Variants in DST observed in about 807,000 individuals in gnomAD.
DST encodes the protein bullous pemphigoid antigen.
A neutral mutation model predicts 875.2 loss-of-function variants in DST; 253 were observed. The observed-to-expected ratio is 0.29, with a 90% confidence interval of 0.26 to 0.32. The LOEUF (loss-of-function observed/expected upper bound fraction) is 0.32. Among genes scored for constraint, DST ranks in the 10% least tolerant of loss-of-function variants. The pLI is 1.00. For missense variants in DST, 8,287 were observed against 9,111.6 expected (o/e 0.91, Z 3.68); for synonymous variants, 3,124 against 3,197.1 (o/e 0.98, Z 0.77).
chr6:56,650,011 G>A (rs2098965564), intron 12 of DST, among the ~76,000 whole-genome samples: 1 of 152,038 alleles, frequency 6.6e-6, no homozygotes, highest in Non-Finnish European at 1.5e-5. Context: ...AATCATCAGG[G>A]GTGAGCATGG....
chr6:56,587,131 C>T (rs536382649), intron 49 of DST, among the ~76,000 whole-genome samples: 53 of 152,134 alleles, frequency 3.5e-4, no homozygotes, highest in Admixed American at 9.2e-4. Flanking sequence ...GGAGGAAATT[C>T]AAACCAAAGG....
chr6:56,573,582 G>T, intron 51 of DST, 97 bp downstream of exon 51: 1 of 865,336 alleles, frequency 1.2e-6, no homozygotes, highest in Non-Finnish European at 1.8e-6. Context: ...TCTCTTTTTT[G>T]TGTCCTTAAG....
At chr6:56,763,414 G>A (rs568528546) in intron 4 of DST, among the ~76,000 whole-genome samples, 24 of 152,172 alleles carry the variant, frequency 1.6e-4, no homozygotes, top group African/African-American at 4.3e-4. Flanking sequence ...GCTCACGCCT[G>A]TAATGCCAGT....
chr6:56,656,465 A>G, intron 10 of DST, among the ~76,000 whole-genome samples: 1 of 152,202 alleles, frequency 6.6e-6, no homozygotes, highest in South Asian at 2.1e-4. Context: ...ACTAATAAAT[A>G]CTGATACCTA....
intron 2 of DST, among the ~76,000 whole-genome samples, chr6:56,941,407 TTG>T (rs1816498279): frequency 6.6e-6 from 1 of 152,230 alleles, no homozygotes; most frequent in African/African-American, 2.4e-5. Flanking sequence ...TTTAAATTAA[TTG>T]TGACTTGTAT....
At chr6:56,532,572 T>C in intron 63 of DST, 62 bp from the exon 64 acceptor site, 1 of 1,440,450 alleles carries the variant, frequency 6.9e-7, no homozygotes, top group Non-Finnish European at 9.4e-7. Context: ...TAAAGTACAA[T>C]GTATTCTAAG....
chr6:56,521,385 T>G (rs989233250), intron 69 of DST, among the ~76,000 whole-genome samples: 2 of 151,812 alleles, frequency 1.3e-5, no homozygotes, highest in Non-Finnish European at 2.9e-5. Flanking sequence ...CCCTCTTGTT[T>G]GTGTTCAGCC....
chr6:56,869,430 C>T (rs1775890069), intron 3 of DST, among the ~76,000 whole-genome samples: 1 of 152,038 alleles, frequency 6.6e-6, no homozygotes, highest in African/African-American at 2.4e-5. Flanking sequence ...GGACGACCTG[C>T]TCAGGGGACA....
chr6:56,619,018 A>G, intron 36 of DST: 1 of 1,614,180 alleles, frequency 6.2e-7, no homozygotes, highest in Non-Finnish European at 8.5e-7. Flanking sequence ...TCTGGATGAT[A>G]ATGTTCTGTT....
At chr6:56,587,208 G>T (rs2098171746) in intron 49 of DST, among the ~76,000 whole-genome samples, 1 of 152,100 alleles carries the variant, frequency 6.6e-6, no homozygotes, top group Non-Finnish European at 1.5e-5. Flanking sequence ...ATACAGAGAA[G>T]TGCTTAAAGG....
intron 9 of DST, among the ~76,000 whole-genome samples, chr6:56,675,562 C>T (rs1385404183): frequency 6.6e-6 from 1 of 152,030 alleles, no homozygotes; most frequent in Non-Finnish European, 1.5e-5. Flanking sequence ...AATAAGAAAA[C>T]AAAAAACTTG....
intron 2 of DST, among the ~76,000 whole-genome samples, chr6:56,905,903 C>A (rs1215173425): frequency 6.6e-6 from 1 of 152,192 alleles, no homozygotes; most frequent in East Asian, 1.9e-4. Flanking sequence ...CCCATCTCGG[C>A]CTTCCAAAGT....
rs190985441 is a variant in DST, at chr6:56,836,949, G to A, written c.625+14448C>T. ...TAAAAATTATTGAAATATATTGAAA[G>A]TTTTTTCACCATATATATTTACCTT... On this transcript the variant is annotated intron_variant, in intron 4 of 103. Coordinates refer to ENST00000680361, the MANE Select transcript of DST (RefSeq NM_001374736.1). 5.4e-3 allele frequency among the ~76,000 whole-genome samples: 824 copies of A among 151,668 alleles called. 5 individuals are homozygous for A. The highest frequency in any genetic ancestry group is 7.5e-3 in the Non-Finnish European group (507 of 67,918).
rs538571859 is a variant in DST at position 56,520,576 on chromosome 6, T to C, written c.18130-2956A>G. On this transcript the variant is annotated intron_variant, in intron 69 of 103. Transcript: ENST00000680361. Reference sequence around the variant, plus strand: ...GAGGATACAATGGGATCTCTCTGTATTGTTTCTACAGCTGCAGGTGAACTT... The same window carrying C: ...GAGGATACAATGGGATCTCTCTGTACTGTTTCTACAGCTGCAGGTGAACTT... Among the ~76,000 whole-genome samples, 7 of 151,804 alleles carry C rather than the reference T, an allele frequency of 4.6e-5. No homozygotes were observed. The East Asian group carries it at 9.7e-4, about 21-fold the overall frequency.
rs781369739 is a variant in DST at position 56,788,128 on chromosome 6, CAAAAAA to C, written c.626-52845_626-52840del. On this transcript the variant is annotated intron_variant, in intron 4 of 103. Transcript: ENST00000680361. ...TGAGTGACAGAGCAAGACTCCGTCT[CAAAAAA>C]AAAAAAAAAAAAAAAAAAAAATCAG... Among the ~76,000 whole-genome samples, 10 of 26,600 alleles carry C rather than the reference CAAAAAA, an allele frequency of 3.8e-4. No homozygotes were observed. The South Asian group carries it at 5.6e-3, about 15-fold the overall frequency. The allele number at this position is 26,600 out of a possible 152,430, so 17.5% of individuals were successfully genotyped here.
At chr6:56,785,768 T>C (rs963915399) in intron 4 of DST, 4 of 156,640 alleles carry the variant, frequency 2.6e-5, no homozygotes, top group African/African-American at 7.2e-5. Flanking sequence ...ATGAACCCGG[T>C]ACCTCAAATG....
intron 4 of DST, among the ~76,000 whole-genome samples, chr6:56,833,828 G>A (rs1031046101): frequency 6.6e-6 from 1 of 151,974 alleles, no homozygotes; most frequent in African/African-American, 2.4e-5. Context: ...GGAGGTAATG[G>A]TATAAAAAGG....
At chr6:56,513,225 G>A (rs1362954858) in intron 72 of DST, among the ~76,000 whole-genome samples, 1 of 124,396 alleles carries the variant, frequency 8.0e-6, no homozygotes, top group Non-Finnish European at 1.7e-5. Flanking sequence ...CAAGTAGTGA[G>A]AGGAGCCTTT....
intron 4 of DST, among the ~76,000 whole-genome samples, chr6:56,841,817 T>C (rs2099800372): frequency 6.6e-6 from 1 of 151,256 alleles, no homozygotes; most frequent in African/African-American, 2.4e-5. Context: ...CAGGTAAACA[T>C]GAGTATATTA....
Sources: gnomAD v4.1 joint callset for allele counts (sites outside exome capture counted in the v4.1 genomes callset) on GRCh38, gnomAD v4.1.1 for gene constraint, MANE v1.5 for transcripts, NCBI Gene and HGNC (gene_info 2026-07-23, HGNC 2026-07-21) for gene names.